BDNF: variants seen among roughly 807,000 people sequenced by gnomAD.
BDNF encodes the protein neurotrophic factor BDNF precursor form.
A neutral mutation model predicts 19.5 loss-of-function variants in BDNF; 1 was observed. That is an observed-to-expected ratio of 0.05 (90% CI 0.02 to 0.24). BDNF has a LOEUF of 0.24. BDNF is among the 10% of genes least tolerant of loss of function. BDNF has a pLI of 1.00. For synonymous variants in BDNF, 100 were observed against 121.6 expected (o/e 0.82, Z 1.17); for missense variants, 195 against 317.6 (o/e 0.61, Z 2.93).
intron 1 of BDNF, chr11:27,659,669 G>GCA: frequency 1.0e-6 from 1 of 997,840 alleles, no homozygotes; most frequent in South Asian, 4.7e-5. Context: ...GTGTGCGCGC[G>GCA]CTCTGAGTTT....
intron 1 of BDNF, among the ~76,000 whole-genome samples, chr11:27,672,912 G>A (rs1590309590): frequency 1.3e-5 from 2 of 152,154 alleles, no homozygotes; most frequent in African/African-American, 4.8e-5. Context: ...TTTTACGAAA[G>A]ACTGCAAAGG....
chr11:27,706,869 C>T (rs760599551), intron 1 of BDNF, among the ~76,000 whole-genome samples: 3 of 152,202 alleles, frequency 2.0e-5, no homozygotes, highest in Non-Finnish European at 4.4e-5. Flanking sequence ...GCTACGTCTT[C>T]TGTCCTTAGC....
Position 27,700,343 on chromosome 11 carries a change from C to T in BDNF, c.-201G>A, listed in dbSNP as rs1013474985. The stretch of plus-strand genomic sequence containing the variant: ...GAGGTGGAGGGGCGCACCGGGCTGG[C>T]TCCTCTGTCCGGCCCGGGAGCCCGA... On this transcript the variant is annotated 5_prime_UTR_variant, in exon 1 of 2. Coordinates refer to ENST00000356660, the MANE Select transcript of BDNF (RefSeq NM_001709.5). 8 of 985,326 alleles carry T rather than the reference C, an allele frequency of 8.1e-6. No homozygotes were observed. Among genetic ancestry groups the T allele is most frequent in the Non-Finnish European group, 8.4e-6 (7 of 829,946 alleles). 61.0% of individuals were successfully genotyped at this position (985,326 alleles called of 1,614,324 possible).
upstream of BDNF, among the ~76,000 whole-genome samples, chr11:27,705,368 A>G (rs2030324): frequency 0.49 from 73,775 of 151,994 alleles, 18,126 homozygotes; most frequent in Admixed American, 0.55. Context: ...AAAGATGAAC[A>G]TTAGCTTATT....
intron 1 of BDNF, chr11:27,674,246 C>A (rs964637486): frequency 1.9e-6 from 3 of 1,584,786 alleles, no homozygotes; most frequent in Non-Finnish European, 2.6e-6. Flanking sequence ...CAAGGATTAA[C>A]CTTGTGCACT....
chr11:27,678,089 G>A (rs368847762), intron 1 of BDNF, among the ~76,000 whole-genome samples: 8 of 152,238 alleles, frequency 5.3e-5, no homozygotes, highest in African/African-American at 1.9e-4. Flanking sequence ...CCTGTGAAAC[G>A]GCTGATACAT....
intron 1 of BDNF, among the ~76,000 whole-genome samples, chr11:27,667,961 T>C (rs905985303): frequency 6.6e-6 from 1 of 152,214 alleles, no homozygotes; most frequent in African/African-American, 2.4e-5. Flanking sequence ...CAACAGAATA[T>C]ACATTCTTCT....
chr11:27,718,580 C>T (rs960195737), intron 1 of BDNF, among the ~76,000 whole-genome samples: 4 of 148,172 alleles, frequency 2.7e-5, no homozygotes, highest in Non-Finnish European at 4.5e-5. Flanking sequence ...CGCCCCTCCC[C>T]TCCCCTCCCT....
intron 1 of BDNF, chr11:27,699,792 G>A (rs573589866): frequency 1.2e-4 from 124 of 1,019,364 alleles, no homozygotes; most frequent in Non-Finnish European, 1.4e-4. Flanking sequence ...CCTCCCCTCA[G>A]TCAGGACCCT....
intron 1 of BDNF, among the ~76,000 whole-genome samples, chr11:27,717,945 G>T (rs549366986): frequency 3.3e-5 from 5 of 151,894 alleles, no homozygotes; most frequent in East Asian, 1.9e-4. Context: ...AGACCTCAAG[G>T]TTACAAGACT....
chr11:27,662,786 C>A (rs552069544), intron 1 of BDNF, among the ~76,000 whole-genome samples: 3 of 152,244 alleles, frequency 2.0e-5, no homozygotes, highest in Non-Finnish European at 4.4e-5. Flanking sequence ...CCGCCGCTCA[C>A]TTCCTACTGT....
At position 27,716,456 on chromosome 11, in the gene BDNF, G is replaced by GACACACACACACAC. The variant is rs61227267; in HGVS notation, c.3+4942_3+4955dup. On this transcript the variant is annotated intron_variant, in intron 1 of 1. Coordinates refer to the BDNF transcript ENST00000314915. ...ACACGCCCATACACACACACACACA[G>GACACACACACACAC]ACACACACACACACACACACACACA... is the stretch of plus-strand genomic sequence containing the variant. Among the ~76,000 whole-genome samples, 162 of 146,930 alleles carry GACACACACACACAC rather than the reference G, an allele frequency of 1.1e-3. 1 individual carries two copies. Among genetic ancestry groups the GACACACACACACAC allele is most frequent in the Middle Eastern group, 6.9e-3 (2 of 288 alleles).
At chr11:27,669,426 G>C (rs190231842) in intron 1 of BDNF, among the ~76,000 whole-genome samples, 4 of 152,286 alleles carry the variant, frequency 2.6e-5, no homozygotes, top group Non-Finnish European at 5.9e-5. Context: ...GCAATAGAAA[G>C]AAATAAAGGA....
At chr11:27,667,112 TCAAC>T (rs1380584835) in intron 1 of BDNF, among the ~76,000 whole-genome samples, 4 of 152,160 alleles carry the variant, frequency 2.6e-5, no homozygotes, top group Non-Finnish European at 4.4e-5. Flanking sequence ...GGGCCAATAT[TCAAC>T]ATTCTTAAAG....
chr11:27,694,699 T>C (rs1858763695), intron 1 of BDNF, among the ~76,000 whole-genome samples: 1 of 151,958 alleles, frequency 6.6e-6, no homozygotes. Flanking sequence ...TTTTTGTGTG[T>C]GTGTTTAAAA....
intron 1 of BDNF, among the ~76,000 whole-genome samples, chr11:27,659,981 G>T (rs1040026250): frequency 2.0e-5 from 3 of 152,184 alleles, no homozygotes; most frequent in African/African-American, 7.2e-5. Context: ...GTGTTTCTCA[G>T]CAGCAAAGAG....
At chr11:27,686,105 A>T (rs1462722744) in intron 1 of BDNF, among the ~76,000 whole-genome samples, 1 of 152,100 alleles carries the variant, frequency 6.6e-6, no homozygotes, top group East Asian at 1.9e-4. Flanking sequence ...TATGTTTAGG[A>T]TAGTTAGCTC....
At chr11:27,688,368 G>A (rs1857773719) in intron 1 of BDNF, among the ~76,000 whole-genome samples, 1 of 152,220 alleles carries the variant, frequency 6.6e-6, no homozygotes, top group African/African-American at 2.4e-5. Flanking sequence ...GATCTGCTGA[G>A]CTAGATCACT....
chr11:27,657,674 G>A lies in BDNF; in HGVS notation c.*147C>T. On this transcript the variant is annotated 3_prime_UTR_variant, in exon 2 of 2. Transcript: ENST00000356660. This position sits in a 1 kb window ranked among gnomAD's most constrained non-coding sequence, Gnocchi z 5.0. Reference sequence around the variant, plus strand: ...CATGGACATGTCCAATAAATAGATTGTAGAACCACTGTACTGTATAAACTT... The same window carrying A: ...CATGGACATGTCCAATAAATAGATTATAGAACCACTGTACTGTATAAACTT... The A allele has an allele frequency of 6.9e-7, 1 of 1,449,516 alleles. No homozygotes were observed. Among genetic ancestry groups the A allele is most frequent in the Non-Finnish European group, 9.0e-7 (1 of 1,109,684 alleles). The allele number at this position is 1,449,516 out of a possible 1,614,324, so 89.8% of individuals were successfully genotyped here. A position where few individuals can be genotyped will look rare whatever the true frequency, so the allele number is the denominator to read the frequency against.
Sources: allele counts gnomAD v4.1 joint callset (sites outside exome capture counted in the v4.1 genomes callset), GRCh38; gene constraint gnomAD v4.1.1; non-coding constraint Gnocchi (gnomAD v3.1); transcripts MANE v1.5; gene names NCBI Gene and HGNC (gene_info 2026-07-23, HGNC 2026-07-21).